UBE2L3: variants seen among roughly 807,000 people sequenced by gnomAD.
UBE2L3 encodes the protein ubiquitin-conjugating enzyme E2 L3.
A neutral mutation model predicts 17.8 loss-of-function variants in UBE2L3; 1 was observed. The observed-to-expected ratio is 0.06, with a 90% CI of 0.02 to 0.27. The LOEUF (loss-of-function observed/expected upper bound fraction) is 0.27, where lower values mean the gene tolerates loss of function less well. Ranked by LOEUF, UBE2L3 falls within the 10% of genes least tolerant of loss-of-function variation. UBE2L3 has a pLI of 1.00. For synonymous variants in UBE2L3, 44 were observed against 68.5 expected (o/e 0.64, Z 1.76); for missense variants, 40 against 192.6 (o/e 0.21, Z 4.69).
At chr22:21,560,554 G>A (rs544597574) in intron 1 of UBE2L3, among the ~76,000 whole-genome samples, 12 of 144,756 alleles carry the variant, frequency 8.3e-5, no homozygotes, top group Non-Finnish European at 1.3e-4. Flanking sequence ...GGATTCAAGC[G>A]ATTCTTCTGC....
At chr22:21,621,290 T>G (rs1198202102) in intron 3 of UBE2L3, among the ~76,000 whole-genome samples, 1 of 152,214 alleles carries the variant, frequency 6.6e-6, no homozygotes, top group Non-Finnish European at 1.5e-5. Flanking sequence ...AATTATCCAC[T>G]GTAGTGTTAG....
intron 1 of UBE2L3, among the ~76,000 whole-genome samples, chr22:21,561,946 G>C (rs1926447891): frequency 6.6e-6 from 1 of 152,248 alleles, no homozygotes; most frequent in African/African-American, 2.4e-5. Flanking sequence ...ACTGCTCTAT[G>C]GTGCCAATGA....
intron 2 of UBE2L3, among the ~76,000 whole-genome samples, chr22:21,596,688 T>C (rs985383730): frequency 6.6e-6 from 1 of 152,100 alleles, no homozygotes; most frequent in East Asian, 1.9e-4. Flanking sequence ...GGTTTCTCCA[T>C]GTTGGTCAGG....
chr22:21,602,977 G>A (rs982336883), intron 2 of UBE2L3, among the ~76,000 whole-genome samples: 3 of 152,182 alleles, frequency 2.0e-5, no homozygotes, highest in African/African-American at 4.8e-5. Context: ...AGTGATGGCA[G>A]CACTGGCTTC....
chr22:21,574,831 GGTGC>G (rs1927173540), intron 1 of UBE2L3, among the ~76,000 whole-genome samples: 2 of 152,102 alleles, frequency 1.3e-5, no homozygotes, highest in South Asian at 4.1e-4. Flanking sequence ...CAGGCCTGGT[GGTGC>G]GTGCCTGTAA....
At chr22:21,557,449 T>C (rs931354872) in intron 1 of UBE2L3, among the ~76,000 whole-genome samples, 1 of 152,152 alleles carries the variant, frequency 6.6e-6, no homozygotes, top group Non-Finnish European at 1.5e-5. Context: ...AGAAATACCA[T>C]AGGCCTGTTG....
At chr22:21,615,371 T>C (rs180821100) in intron 3 of UBE2L3, among the ~76,000 whole-genome samples, 1,709 of 151,816 alleles carry the variant, frequency 0.011, 10 homozygotes, top group African/African-American at 0.014. Context: ...CTGGCTAACA[T>C]GGTGAAACCC....
chr22:21,589,948 G>A (rs1481270935), intron 1 of UBE2L3, among the ~76,000 whole-genome samples: 2 of 152,094 alleles, frequency 1.3e-5, no homozygotes, highest in African/African-American at 4.8e-5. Flanking sequence ...GGCCAGGTGT[G>A]TGGCTCACTC....
Position 21,602,959 on chromosome 22 carries a change from C to G in UBE2L3, c.124-7898C>G, listed in dbSNP as rs549441393. Among the ~76,000 whole-genome samples the G allele has an allele frequency of 2.0e-5, 3 of 152,254 alleles. No homozygotes were observed. The East Asian group carries it at 5.8e-4, about 29-fold the overall frequency. On this transcript the variant is annotated intron_variant, in intron 2 of 3. Transcript: ENST00000342192. ...AATCGTACTTCACTTGCTCCATTTC[C>G]AAATGCAAGTGATGGCAGCACTGGC...
intron 3 of UBE2L3, among the ~76,000 whole-genome samples, chr22:21,617,665 T>G (rs941725550): frequency 6.6e-6 from 1 of 152,176 alleles, no homozygotes; most frequent in Non-Finnish European, 1.5e-5. Context: ...GGCTGGATGT[T>G]TTATAAAATA....
At chr22:21,606,315 A>ATGTGTGTGTGTGTGTGG (rs376785535) in intron 2 of UBE2L3, among the ~76,000 whole-genome samples, 13,504 of 150,332 alleles carry the variant, frequency 0.09, 971 homozygotes, top group East Asian at 0.33. Context: ...TGTGTGTGGT[A>ATGTGTGTGTGTGTGTGG]TGTGTGTGTG....
chr22:21,581,885 G>C (rs368292518), intron 1 of UBE2L3, among the ~76,000 whole-genome samples: 1 of 151,808 alleles, frequency 6.6e-6, no homozygotes, highest in African/African-American at 2.4e-5. Flanking sequence ...GCTGAGGCAG[G>C]TGGATCACCT....
intron 2 of UBE2L3, among the ~76,000 whole-genome samples, chr22:21,593,452 TC>T (rs1216749650): frequency 6.6e-6 from 1 of 152,056 alleles, no homozygotes; most frequent in Non-Finnish European, 1.5e-5. Context: ...GCCCACATGT[TC>T]CCCTCACCCC....
chr22:21,557,158 A>G (rs1160750818), intron 1 of UBE2L3, among the ~76,000 whole-genome samples: 2 of 152,268 alleles, frequency 1.3e-5, no homozygotes, highest in African/African-American at 2.4e-5. Flanking sequence ...TGAGCTCAGG[A>G]GTTCAAGACC....
chr22:21,597,662 AT>A (rs1928603860), intron 2 of UBE2L3, among the ~76,000 whole-genome samples: 1 of 149,036 alleles, frequency 6.7e-6, no homozygotes, highest in Non-Finnish European at 1.5e-5. Context: ...CTTTGGTTTG[AT>A]TTTTAAGACA....
chr22:21,557,936 A>T (rs1311715751), intron 1 of UBE2L3, among the ~76,000 whole-genome samples: 1 of 150,968 alleles, frequency 6.6e-6, no homozygotes, highest in South Asian at 2.1e-4. Flanking sequence ...CCTCTTGCCC[A>T]TTGTGTGCTC....
chr22:21,562,198 C>T (rs71314782), intron 1 of UBE2L3, among the ~76,000 whole-genome samples: 38 of 133,288 alleles, frequency 2.9e-4, no homozygotes, highest in African/African-American at 7.9e-4. Context: ...TTTTTTTTTT[C>T]TTTTTTTTTT....
upstream of UBE2L3, among the ~76,000 whole-genome samples, chr22:21,563,438 C>T (rs1017062585): frequency 1.7e-3 from 236 of 135,908 alleles, 1 homozygote; most frequent in African/African-American, 6.2e-3. Flanking sequence ...GGCGGGCTCC[C>T]GTAGTCCCAG....
intron 3 of UBE2L3, among the ~76,000 whole-genome samples, chr22:21,611,477 T>C (rs1929474588): frequency 6.6e-6 from 1 of 152,134 alleles, no homozygotes; most frequent in Non-Finnish European, 1.5e-5. Flanking sequence ...TTCCAGGCTA[T>C]AGGAAGGGCA....
Sources: gnomAD v4.1 joint callset for allele counts (sites outside exome capture counted in the v4.1 genomes callset) on GRCh38, gnomAD v4.1.1 for gene constraint, MANE v1.5 for transcripts, NCBI Gene and HGNC (gene_info 2026-07-23, HGNC 2026-07-21) for gene names.